DAB1: variants seen among roughly 807,000 people sequenced by gnomAD.
DAB1 encodes the protein disabled homolog 1.
Under a neutral mutation model 64.6 loss-of-function variants are expected in DAB1, and 15 were observed. The ratio of observed to expected loss-of-function variants is 0.23; its 90% confidence interval spans 0.16 to 0.36. DAB1 has a LOEUF of 0.36. Ranked by LOEUF, DAB1 falls within the 10% of genes least tolerant of loss-of-function variation. DAB1 has a pLI of 1.00. For synonymous variants in DAB1, 235 were observed against 251.9 expected (o/e 0.93, Z 0.64); for missense variants, 596 against 706.7 (o/e 0.84, Z 1.78).
intron 1 of DAB1, among the ~76,000 whole-genome samples, chr1:57,371,425 A>G (rs970089919): frequency 2.0e-5 from 3 of 152,240 alleles, no homozygotes; most frequent in Admixed American, 1.3e-4. Flanking sequence ...GCGCATTACT[A>G]TTCAGACACT....
intron 6 of DAB1, among the ~76,000 whole-genome samples, chr1:57,782,017 A>C (rs1569666594): frequency 6.6e-6 from 1 of 152,322 alleles, no homozygotes; most frequent in African/African-American, 2.4e-5. Context: ...CTAATTCTAC[A>C]CACGGCAAAG....
At chr1:57,964,239 C>T (rs1645597774) in intron 5 of DAB1, among the ~76,000 whole-genome samples, 1 of 152,178 alleles carries the variant, frequency 6.6e-6, no homozygotes, top group Admixed American at 6.5e-5. Context: ...TCAAACCTTG[C>T]CTCATGCATT....
At chr1:58,166,754 T>G (rs989013832) in intron 4 of DAB1, among the ~76,000 whole-genome samples, 21 of 151,564 alleles carry the variant, frequency 1.4e-4, no homozygotes, top group African/African-American at 4.6e-4. Flanking sequence ...TTGTTCGTTT[T>G]TTTTTTTTTT....
At chr1:58,506,061 T>A in exon 3 of DAB1, 2 of 866,504 alleles carry the variant, frequency 2.3e-6, no homozygotes, top group South Asian at 2.6e-5. Context: ...TCAGCTCACC[T>A]GAGGTATAAG....
rs1242604810 is a variant in DAB1 at position 58,473,793 on chromosome 1, CTCTGCAGAGA to C, written n.257+32257_257+32266del. 6.7e-5 allele frequency: 37 copies of C among 555,428 alleles called. 1 individual carries two copies. Among genetic ancestry groups the C allele is most frequent in the South Asian group, 3.9e-4 (25 of 64,578 alleles). 34.4% of individuals were successfully genotyped at this position (555,428 alleles called of 1,614,324 possible). Reference sequence around the variant, plus strand: ...TCCAGAACAGTCTGACCCAAGAACGCTCTGCAGAGAAAGTCTGAGCACCGCCAAGCACACT... The same window carrying C: ...TCCAGAACAGTCTGACCCAAGAACGCAAGTCTGAGCACCGCCAAGCACACT... On this transcript the variant is annotated intron_variant and non_coding_transcript_variant, in intron 3 of 20. Coordinates refer to the DAB1 transcript ENST00000485760.
In DAB1 at chr1:57,917,084, G is replaced by A. The variant is rs1046107122; in HGVS notation, n.388-32922C>T. On this transcript the variant is annotated intron_variant and non_coding_transcript_variant, in intron 5 of 20. Transcript: ENST00000485760. ...CACTATGTTCTCCTGCCTCCTAGTT[G>A]TACCTAGAAGGAATGGCCCCTGTCA... Among the ~76,000 whole-genome samples, 7 of 152,068 alleles carry A rather than the reference G, an allele frequency of 4.6e-5. No individual in the cohort carries two copies. The South Asian group carries it at 1.0e-3, about 23-fold the overall frequency.
At chr1:57,275,766 C>T (rs1410745742) in intron 2 of DAB1, among the ~76,000 whole-genome samples, 1 of 152,164 alleles carries the variant, frequency 6.6e-6, no homozygotes, top group East Asian at 1.9e-4. Flanking sequence ...AAAGGGGAGC[C>T]CACTCCAAAG....
chr1:57,221,068 T>C (rs976023802), intron 2 of DAB1, among the ~76,000 whole-genome samples: 2 of 152,094 alleles, frequency 1.3e-5, no homozygotes, highest in Non-Finnish European at 2.9e-5. Context: ...TATGCAGCCA[T>C]AAAAAAGGAT....
At chr1:57,508,514 C>A (rs183944202) in intron 7 of DAB1, among the ~76,000 whole-genome samples, 1 of 152,318 alleles carries the variant, frequency 6.6e-6, no homozygotes, top group African/African-American at 2.4e-5. Flanking sequence ...CATGGCTTGG[C>A]AATCTTTTTC....
chr1:57,337,231 AT>A (rs1248130966), intron 1 of DAB1, among the ~76,000 whole-genome samples: 1 of 152,184 alleles, frequency 6.6e-6, no homozygotes, highest in Non-Finnish European at 1.5e-5. Context: ...CTTTCCTAAA[AT>A]TTATTTTCAA....
chr1:58,486,958 G>T (rs1645586275), intron 3 of DAB1, among the ~76,000 whole-genome samples: 1 of 152,210 alleles, frequency 6.6e-6, no homozygotes, highest in Admixed American at 6.5e-5. Context: ...GTGCCTGGAA[G>T]ACATAGGAAG....
At chr1:57,438,579 A>G (rs1200454982) in intron 7 of DAB1, among the ~76,000 whole-genome samples, 4 of 152,080 alleles carry the variant, frequency 2.6e-5, no homozygotes. Context: ...TTCCAGCAAA[A>G]TAAAGAAGGA....
intron 5 of DAB1, among the ~76,000 whole-genome samples, chr1:58,136,265 C>A (rs1653938201): frequency 6.6e-6 from 1 of 152,122 alleles, no homozygotes; most frequent in Admixed American, 6.5e-5. Context: ...GCCTTCTCCA[C>A]CCACCACCCA....
chr1:58,250,160 C>A (rs1016810744), intron 4 of DAB1, among the ~76,000 whole-genome samples: 4 of 152,184 alleles, frequency 2.6e-5, no homozygotes, highest in Non-Finnish European at 5.9e-5. Context: ...GACGGACAGG[C>A]GCCCGCGGCC....
intron 4 of DAB1, among the ~76,000 whole-genome samples, chr1:57,085,842 T>C (rs753149907): frequency 6.6e-5 from 10 of 152,096 alleles, no homozygotes; most frequent in Non-Finnish European, 1.3e-4. Context: ...GAATATTGTG[T>C]TTATGCAATA....
At chr1:58,516,593 AT>A (rs1646161135) in intron 2 of DAB1, among the ~76,000 whole-genome samples, 1 of 152,210 alleles carries the variant, frequency 6.6e-6, no homozygotes, top group African/African-American at 2.4e-5. Context: ...AATTTGCACA[AT>A]AAAATCACTC....
chr1:57,061,425 G>A (rs1438801549), intron 9 of DAB1, among the ~76,000 whole-genome samples: 1 of 152,188 alleles, frequency 6.6e-6, no homozygotes, highest in East Asian at 1.9e-4. Context: ...ATCTCCCTAT[G>A]CAATTTGTGA....
intron 7 of DAB1, among the ~76,000 whole-genome samples, chr1:57,479,860 G>C (rs1022127269): frequency 1.3e-5 from 2 of 152,110 alleles, no homozygotes; most frequent in Admixed American, 1.3e-4. Flanking sequence ...GCAAGAGAAA[G>C]ACAAAGCCAG....
chr1:57,679,895 T>C (rs1646616511), intron 6 of DAB1, among the ~76,000 whole-genome samples: 1 of 152,178 alleles, frequency 6.6e-6, no homozygotes, highest in Non-Finnish European at 1.5e-5. Flanking sequence ...GGTAACCCCA[T>C]GAGGTTGGTA....
Sources: gnomAD v4.1 joint callset for allele counts (sites outside exome capture counted in the v4.1 genomes callset) on GRCh38, gnomAD v4.1.1 for gene constraint, MANE v1.5 for transcripts, NCBI Gene and HGNC (gene_info 2026-07-23, HGNC 2026-07-21) for gene names.